Variants in VPS13B observed in about 807,000 individuals in gnomAD.
VPS13B encodes intermembrane lipid transfer protein VPS13B.
Under a neutral mutation model 426.4 loss-of-function variants are expected in VPS13B, and 285 were observed. The observed-to-expected ratio is 0.67, with a 90% CI of 0.61 to 0.74. VPS13B has a LOEUF of 0.74. VPS13B is among the 30% of genes least tolerant of loss of function. The probability of loss-of-function intolerance (pLI) is 0.00; values close to 1 mark genes in which losing one functional copy is unlikely to be tolerated. For missense variants in VPS13B, 4,537 were observed against 4,782.6 expected (o/e 0.95, Z 1.51); for synonymous variants, 1,676 against 1,676.4 (o/e 1.00, Z 0.01).
chr8:99,783,181 G>A lies in VPS13B; in HGVS notation c.7780-1134G>A, dbSNP rs73703008. Among the ~76,000 whole-genome samples the A allele has an allele frequency of 5.6e-3, 859 of 152,230 alleles. 5 individuals are homozygous for A. The highest frequency in any genetic ancestry group is 0.019 in the African/African-American group (797 of 41,540). ...AAGTACATTCATCTGTAGTCTCCTT[G>A]GCTTCATGCCTCCTCCGTACTTGAA... is the stretch of plus-strand genomic sequence containing the variant. On this transcript the variant is annotated intron_variant, in intron 42 of 61. Transcript: ENST00000357162.
intron 35 of VPS13B, among the ~76,000 whole-genome samples, chr8:99,663,127 G>C (rs1050713249): frequency 6.6e-6 from 1 of 152,110 alleles, no homozygotes; most frequent in African/African-American, 2.4e-5. Context: ...ACCCCGCAAG[G>C]CATGAATTTT....
chr8:99,147,711 A>C, intron 13 of VPS13B, 130 bp from the exon 14 acceptor site: 1 of 465,522 alleles, frequency 2.1e-6, no homozygotes, highest in Non-Finnish European at 3.3e-6. Context: ...TTATTATTTT[A>C]TACCTGCTTC....
At chr8:99,794,106 C>T (rs78328057) in intron 43 of VPS13B, among the ~76,000 whole-genome samples, 6,982 of 152,236 alleles carry the variant, frequency 0.046, 174 homozygotes, top group African/African-American at 0.061. Flanking sequence ...ACAAAACATT[C>T]TTTAAAGTAA....
intron 51 of VPS13B, among the ~76,000 whole-genome samples, chr8:99,825,090 C>T (rs909111029): frequency 1.3e-5 from 2 of 152,156 alleles, no homozygotes; most frequent in African/African-American, 4.8e-5. Context: ...TGGGTATATA[C>T]CCAGTAATGG....
intron 21 of VPS13B, among the ~76,000 whole-genome samples, chr8:99,410,725 C>A (rs1815600755): frequency 6.6e-6 from 1 of 152,032 alleles, no homozygotes; most frequent in South Asian, 2.1e-4. Context: ...CCTCCCACCC[C>A]ACGATGGGGG....
At chr8:99,338,234 C>T (rs184511042) in intron 19 of VPS13B, among the ~76,000 whole-genome samples, 9 of 151,980 alleles carry the variant, frequency 5.9e-5, no homozygotes, top group Admixed American at 2.6e-4. Context: ...ATTAAAAACA[C>T]CTGTTAGAAT....
At chr8:99,459,176 C>T (rs955386566) in intron 23 of VPS13B, among the ~76,000 whole-genome samples, 1 of 152,134 alleles carries the variant, frequency 6.6e-6, no homozygotes, top group Admixed American at 6.5e-5. Flanking sequence ...TGCGTAGGCA[C>T]TTGAACGTGT....
At chr8:99,533,470 T>C (rs1823038163) in intron 30 of VPS13B, among the ~76,000 whole-genome samples, 1 of 152,204 alleles carries the variant, frequency 6.6e-6, no homozygotes, top group African/African-American at 2.4e-5. Flanking sequence ...ATGGTCATTC[T>C]GACTTTTCAT....
intron 19 of VPS13B, among the ~76,000 whole-genome samples, chr8:99,374,391 G>C: frequency 6.6e-6 from 1 of 151,408 alleles, no homozygotes; most frequent in East Asian, 1.9e-4. Flanking sequence ...CTTTCTCTCT[G>C]CTAAAATTTC....
At chr8:99,281,336 C>T (rs1563644983) in intron 19 of VPS13B, among the ~76,000 whole-genome samples, 3 of 152,144 alleles carry the variant, frequency 2.0e-5, no homozygotes, top group East Asian at 1.9e-4. Context: ...GACCGCTGAT[C>T]GATAGGTCTT....
chr8:99,604,925 A>G (rs1176721406), intron 33 of VPS13B, among the ~76,000 whole-genome samples: 1 of 152,198 alleles, frequency 6.6e-6, no homozygotes, highest in African/African-American at 2.4e-5. Flanking sequence ...TCTCCTTCAT[A>G]TAGGATACGT....
chr8:99,066,667 T>C (rs1844536310), intron 3 of VPS13B, among the ~76,000 whole-genome samples: 1 of 152,120 alleles, frequency 6.6e-6, no homozygotes. Context: ...CTAATTAAAC[T>C]AAAGAGCTTC....
chr8:99,347,637 GCC>G (rs1811613196), intron 19 of VPS13B: 1 of 152,208 alleles, frequency 6.6e-6, no homozygotes, highest in African/African-American at 2.4e-5. Context: ...TTGAGATTGT[GCC>G]TGTCAGCTTC....
At chr8:99,032,049 G>C (rs1842529381) in intron 2 of VPS13B, among the ~76,000 whole-genome samples, 1 of 152,228 alleles carries the variant, frequency 6.6e-6, no homozygotes, top group Admixed American at 6.5e-5. Context: ...CTGTAGCTTG[G>C]ATTGCAAGTA....
Position 99,832,553 on chromosome 8 carries a change from C to T in VPS13B, c.9515C>T (p.Ser3172Leu). The T allele has an allele frequency of 1.9e-6, 3 of 1,613,866 alleles. No homozygotes were observed. The highest frequency in any genetic ancestry group is 2.5e-6 in the Non-Finnish European group (3 of 1,179,984). ...TCTCCTGCCCCAGGTGCTGACAGCT[C>T]ACAGTGCTGGAGCCTGCCAGCTATA... ...GFSPAPGADS[S>L]QCWSLPAIVR... Residue 3172 changes from serine (S) to leucine (L), a missense_variant, in exon 52 of 62, where the codon TCA (serine) becomes TTA (leucine). Around this residue, in one of 2 missense-constraint regions of VPS13B, gnomAD observed 4,311 missense variants for 4,474.3 expected, o/e 0.96. Coordinates refer to ENST00000357162, the MANE Select transcript of VPS13B (RefSeq NM_152564.5).
At chr8:99,262,769 C>CTGTTGTTGTTGTTGT (rs373225716) in intron 17 of VPS13B, among the ~76,000 whole-genome samples, 180 of 150,022 alleles carry the variant, frequency 1.2e-3, no homozygotes, top group African/African-American at 3.2e-3. Flanking sequence ...TTTGGATGGT[C>CTGTTGTTGTTGTTGT]TGTTGTTGTT....
chr8:99,686,483 G>A (rs533028825), intron 35 of VPS13B, among the ~76,000 whole-genome samples: 1 of 151,978 alleles, frequency 6.6e-6, no homozygotes, highest in Non-Finnish European at 1.5e-5. Flanking sequence ...ATGCTGTCCA[G>A]GAGCCAGGGC....
Position 99,837,341 on chromosome 8 carries a change from C to T in VPS13B, c.9942+1603C>T, listed in dbSNP as rs539735702. Among the ~76,000 whole-genome samples the T allele has an allele frequency of 9.2e-5, 14 of 152,228 alleles. 1 individual carries two copies. The highest frequency in any genetic ancestry group is 2.6e-4 in the African/African-American group (11 of 41,524). ...TCAGGGGCTGAACAGTGAAAACCCG[C>T]GGGATCTGTGCAGCCTCAGGAGATG... On this transcript the variant is annotated intron_variant, in intron 54 of 61. Coordinates refer to ENST00000357162, the MANE Select transcript of VPS13B (RefSeq NM_152564.5).
intron 33 of VPS13B, 69 bp downstream of exon 33, chr8:99,577,702 T>C: frequency 6.4e-7 from 1 of 1,573,818 alleles, no homozygotes; most frequent in Middle Eastern, 1.7e-4. Flanking sequence ...GTAGGAAAAC[T>C]ATAATTAAGC....
Sources: allele counts gnomAD v4.1 joint callset (sites outside exome capture counted in the v4.1 genomes callset), GRCh38; gene constraint gnomAD v4.1.1; regional missense constraint gnomAD v4.1.1; transcripts MANE v1.5; gene names NCBI Gene and HGNC (gene_info 2026-07-23, HGNC 2026-07-21).